Variants in GATM observed in about 807,000 individuals in gnomAD.
GATM encodes glycine amidinotransferase, mitochondrial.
In GATM, 23 loss-of-function variants were observed where a neutral mutation model predicts 54.2. That is an observed-to-expected ratio of 0.42 (90% CI 0.31 to 0.60). GATM has a LOEUF of 0.60. Ranked by LOEUF, GATM falls within the 20% of genes least tolerant of loss-of-function variation. The probability of loss-of-function intolerance (pLI) is 0.14; values close to 1 mark genes in which losing one functional copy is unlikely to be tolerated. For synonymous variants in GATM, 168 were observed against 183.1 expected (o/e 0.92, Z 0.67); for missense variants, 401 against 544.9 (o/e 0.74, Z 2.63).
chr15:45,362,160 G>A lies in GATM; in HGVS notation c.1221C>T (p.Cys407=). Residue 407 remains cysteine, a synonymous_variant, in exon 9 of 9, where the codon TGC becomes TGT. Coordinates refer to ENST00000396659, the MANE Select transcript of GATM (RefSeq NM_001482.3). The part of the protein sequence containing the change: ...NANSLGGGFH[C]WTCDVRRRGT... ...CTCGGCGCCGGACATCGCAGGTCCA[G>A]CAATGGAAGCCTCCTCCCAGGGAAT... 6.2e-7 allele frequency: 1 copy of A among 1,613,994 alleles called. No homozygotes were observed. The highest frequency in any genetic ancestry group is 1.1e-5 in the South Asian group (1 of 91,068).
chr15:45,369,460 T>C lies in GATM; in HGVS notation c.350A>G (p.Lys117Arg), dbSNP rs1472551759. The C allele has an allele frequency of 6.2e-7, 1 of 1,614,212 alleles. No individual in the cohort carries two copies. The highest frequency in any genetic ancestry group is 8.5e-7 in the Non-Finnish European group (1 of 1,180,020). ...YQKQGGHYFP[K>R]DHLKKAVAEI... The stretch of plus-strand genomic sequence containing the variant: ...AGCAACAGCCTTTTTCAAATGATCT[T>C]TGGGAAAATAATGCCCTCCTTGCTT... The change falls in exon 3 of 9, where the codon AAA (lysine) becomes AGA (arginine). Residue 117 changes from lysine (K) to arginine (R), a missense_variant. Around this residue, in one of 3 missense-constraint regions of GATM, gnomAD observed 321 missense variants for 457.5 expected, o/e 0.70. Transcript: ENST00000396659.
intron 6 of GATM, 48 bp from the exon 7 acceptor site, chr15:45,364,908 A>T: frequency 7.2e-7 from 1 of 1,383,890 alleles, no homozygotes; most frequent in Non-Finnish European, 1.0e-6. Context: ...TACATATACT[A>T]TTATTATTAT....
chr15:45,393,317 C>T lies in GATM; in HGVS notation c.-319+3605G>A, dbSNP rs1889891529. Among the ~76,000 whole-genome samples the T allele has an allele frequency of 2.0e-5, 3 of 152,196 alleles. No individual in the cohort carries two copies. In the South Asian group the frequency reaches 6.2e-4, roughly 32 times the overall value. On this transcript the variant is annotated intron_variant, in intron 3 of 4. Transcript: ENST00000561148. ...TTCAGAGTGGAAACTTTGGAGCCAG[C>T]CAAGCCACTTAGTTTTGAATCCTAG...
intron 6 of GATM, among the ~76,000 whole-genome samples, chr15:45,365,491 G>T (rs1889432697): frequency 6.6e-6 from 1 of 152,244 alleles, no homozygotes; most frequent in Admixed American, 6.5e-5. Flanking sequence ...AAGTTGTACT[G>T]CAGCCTTGCA....
intron 3 of GATM, chr15:45,396,900 G>C (rs1889941512): frequency 7.0e-6 from 1 of 141,870 alleles, no homozygotes; most frequent in East Asian, 2.0e-4. Context: ...AAAGCCATAA[G>C]TATGGTAAAG....
At chr15:45,381,483 A>T (rs1362925189), upstream of GATM, among the ~76,000 whole-genome samples, 2 of 152,250 alleles carry the variant, frequency 1.3e-5, no homozygotes, top group East Asian at 1.9e-4. Flanking sequence ...TCTTGAAATT[A>T]AAAAAGCAAG....
chr15:45,363,420 A>T (rs1158884786), intron 8 of GATM, among the ~76,000 whole-genome samples: 2 of 152,140 alleles, frequency 1.3e-5, no homozygotes, highest in Non-Finnish European at 2.9e-5. Flanking sequence ...TCAGTTCAAA[A>T]CTGAATGATT....
At chr15:45,396,587 T>C (rs1029954799) in intron 3 of GATM, among the ~76,000 whole-genome samples, 2 of 152,120 alleles carry the variant, frequency 1.3e-5, no homozygotes, top group Admixed American at 6.5e-5. Flanking sequence ...ATACAGTATT[T>C]GGGCTGGGCA....
chr15:45,394,080 C>T (rs1005032147), intron 3 of GATM, among the ~76,000 whole-genome samples: 1 of 152,128 alleles, frequency 6.6e-6, no homozygotes, highest in African/African-American at 2.4e-5. Context: ...GGTCCCCAAC[C>T]CTTGGGCCAC....
chr15:45,365,789 C>G (rs965357965), intron 6 of GATM, among the ~76,000 whole-genome samples: 1 of 152,186 alleles, frequency 6.6e-6, no homozygotes, highest in African/African-American at 2.4e-5. Context: ...TATGCACAAA[C>G]TTGAGGCTCT....
Position 45,365,962 on chromosome 15 carries a change from C to CCATTATTTTAAG in GATM, c.978+83_978+84insCTTAAAATAATG, listed in dbSNP as rs1889442147. ...ATCTGTCATTTAGAACCATTAGGAA[C>CCATTATTTTAAG]CATGGAAGTGCTTAAAATAAAAGTG... On this transcript the variant is annotated intron_variant, in intron 6 of 8. Transcript: ENST00000396659. The CCATTATTTTAAG allele has an allele frequency of 3.8e-5, 48 of 1,269,146 alleles. No individual in the cohort carries two copies. In the South Asian group the frequency reaches 5.1e-4, roughly 13 times the overall value. The allele number at this position is 1,269,146 out of a possible 1,614,324, so 78.6% of individuals were successfully genotyped here.
chr15:45,376,018 C>T (rs1341088711), intron 2 of GATM, among the ~76,000 whole-genome samples: 1 of 152,126 alleles, frequency 6.6e-6, no homozygotes, highest in Admixed American at 6.5e-5. Flanking sequence ...TGACAAAAGC[C>T]TTGTTACATC....
chr15:45,394,619 T>A (rs899317070), intron 3 of GATM, among the ~76,000 whole-genome samples: 3 of 152,160 alleles, frequency 2.0e-5, no homozygotes, highest in Admixed American at 2.0e-4. Flanking sequence ...CTGAGTTCAC[T>A]CAAAGTCAGA....
At chr15:45,397,663 T>G (rs1306240968) in intron 2 of GATM, among the ~76,000 whole-genome samples, 1 of 152,328 alleles carries the variant, frequency 6.6e-6, no homozygotes, top group East Asian at 1.9e-4. Context: ...TTTCCTGAGT[T>G]CCATGAGCCA....
chr15:45,369,784 GCATGTTTACCTT>G (rs1388143530), intron 2 of GATM: 1 of 468,838 alleles, frequency 2.1e-6, no homozygotes, highest in African/African-American at 2.0e-5. Flanking sequence ...ACCACTAACA[GCATGTTTACCTT>G]CAGACAGACT....
chr15:45,376,405 GCTTCAGGAAGCT>G lies in GATM; in HGVS notation c.288+184_288+195del, dbSNP rs6145546. Among the ~76,000 whole-genome samples, 84,742 of 151,736 alleles carry G rather than the reference GCTTCAGGAAGCT, an allele frequency of 0.56. 27,110 individuals are homozygous for G. Among genetic ancestry groups the G allele is most frequent in the East Asian group, 0.91 (4,670 of 5,142 alleles). Reference sequence around the variant, plus strand: ...AGCTCTCTCAGAATCCAAGGGAAGAGCTTCAGGAAGCTCTTCAGGAAGGAAGCAATTATCATT... The same window carrying G: ...AGCTCTCTCAGAATCCAAGGGAAGAGCTTCAGGAAGGAAGCAATTATCATT... On this transcript the variant is annotated intron_variant, in intron 2 of 8. Transcript: ENST00000396659.
chr15:45,367,976 A>G lies in GATM; in HGVS notation c.675+94T>C, dbSNP rs937464636. ...ATGATGTTTTCGGTTTCTAAAATGC[A>G]TAATATATACAAGGTATCAGAGAAT... On this transcript the variant is annotated intron_variant, in intron 4 of 8. Coordinates refer to ENST00000396659, the MANE Select transcript of GATM (RefSeq NM_001482.3). The G allele has an allele frequency of 6.5e-6, 7 of 1,071,098 alleles. No individual in the cohort carries two copies. The Admixed American group carries it at 6.6e-5, about 10-fold the overall frequency. 66.3% of individuals were successfully genotyped at this position (1,071,098 alleles called of 1,614,324 possible). A position where few individuals can be genotyped will look rare whatever the true frequency, so the allele number is the denominator to read the frequency against.
chr15:45,378,680 G>A (rs1168790869), upstream of GATM: 2 of 401,100 alleles, frequency 5.0e-6, no homozygotes, highest in Admixed American at 4.7e-5. Context: ...GAAGCGCCGC[G>A]GCCGCTGGCT....
At chr15:45,396,195 T>G (rs2140682899) in intron 3 of GATM, 1 of 152,362 alleles carries the variant, frequency 6.6e-6, no homozygotes, top group East Asian at 1.9e-4. Context: ...AAACCATTTC[T>G]GGACAGTATC....
Sources: allele counts gnomAD v4.1 joint callset (sites outside exome capture counted in the v4.1 genomes callset), GRCh38; gene constraint gnomAD v4.1.1; regional missense constraint gnomAD v4.1.1; transcripts MANE v1.5; gene names NCBI Gene and HGNC (gene_info 2026-07-23, HGNC 2026-07-21).